REDIC1: variants seen among roughly 807,000 people sequenced by gnomAD.
REDIC1 encodes the protein regulator of DNA class I crossover intermediates 1.
the REDIC1 span, chr12:39,647,687 G>T: frequency 2.4e-6 from 2 of 838,624 alleles, no homozygotes; most frequent in South Asian, 3.1e-5. Flanking sequence ...ATTTTCTTTT[G>T]TAACCCCTGC....
the REDIC1 span, among the ~76,000 whole-genome samples, chr12:39,702,022 TA>T: frequency 1.3e-5 from 2 of 151,868 alleles, no homozygotes; most frequent in African/African-American, 4.8e-5. Context: ...ACATCACAAT[TA>T]AAAGAACTAG....
chr12:39,768,109 G>C, the REDIC1 span, among the ~76,000 whole-genome samples: 25 of 152,102 alleles, frequency 1.6e-4, no homozygotes, highest in African/African-American at 5.8e-4. Context: ...TTGCAACAAG[G>C]TGTGAAGTGA....
the REDIC1 span, among the ~76,000 whole-genome samples, chr12:39,783,509 A>T: frequency 1.2e-4 from 18 of 152,008 alleles, no homozygotes; most frequent in East Asian, 3.9e-4. Flanking sequence ...TGTTCCTATT[A>T]CCCCACATCC....
the REDIC1 span, among the ~76,000 whole-genome samples, chr12:39,826,127 T>G: frequency 1.3e-5 from 2 of 152,144 alleles, no homozygotes; most frequent in African/African-American, 4.8e-5. Context: ...AATTTACTGT[T>G]TGTGCTTGAA....
chr12:39,820,700 G>A, the REDIC1 span, among the ~76,000 whole-genome samples: 1 of 64,548 alleles, frequency 1.5e-5, no homozygotes, highest in African/African-American at 6.4e-5. Context: ...TATAATCTTC[G>A]GCTTAAATTT....
chr12:39,705,347 G>T, the REDIC1 span, among the ~76,000 whole-genome samples: 2 of 152,016 alleles, frequency 1.3e-5, no homozygotes, highest in Non-Finnish European at 2.9e-5. Context: ...TAAAGCCTGG[G>T]ACTTGAAGGC....
At chr12:39,810,544 T>C in the REDIC1 span, among the ~76,000 whole-genome samples, 1 of 152,168 alleles carries the variant, frequency 6.6e-6, no homozygotes, top group African/African-American at 2.4e-5. Context: ...GTAGACATTC[T>C]CACCTAGTTT....
the REDIC1 span, among the ~76,000 whole-genome samples, chr12:39,735,628 G>A: frequency 6.6e-5 from 10 of 152,186 alleles, no homozygotes; most frequent in Non-Finnish European, 1.2e-4. Context: ...GCTTTTGGAC[G>A]AAGGCCAAAT....
the REDIC1 span, among the ~76,000 whole-genome samples, chr12:39,881,304 T>G: frequency 1.3e-5 from 2 of 152,006 alleles, no homozygotes; most frequent in African/African-American, 4.8e-5. Flanking sequence ...AATTCATAGA[T>G]GACAATATGA....
the REDIC1 span, among the ~76,000 whole-genome samples, chr12:39,706,682 G>A: frequency 6.6e-6 from 1 of 151,920 alleles, no homozygotes; most frequent in Admixed American, 6.6e-5. Flanking sequence ...GAACAGAATA[G>A]AGAACCCAGA....
At chr12:39,693,761 G>A in the REDIC1 span, among the ~76,000 whole-genome samples, 15 of 152,002 alleles carry the variant, frequency 9.9e-5, no homozygotes, top group Non-Finnish European at 2.1e-4. Context: ...GAACAATTTT[G>A]TACAATGTTT....
the REDIC1 span, chr12:39,683,467 A>T: frequency 1.9e-6 from 3 of 1,599,162 alleles, no homozygotes; most frequent in East Asian, 6.7e-5. Flanking sequence ...GTATTCAGAA[A>T]TATCCAGCAA....
the REDIC1 span, among the ~76,000 whole-genome samples, chr12:39,806,455 A>C: frequency 6.6e-6 from 1 of 152,104 alleles, no homozygotes; most frequent in African/African-American, 2.4e-5. Context: ...CAGGATATAT[A>C]TTTTCCCTGG....
chr12:39,770,762 A>G, the REDIC1 span, among the ~76,000 whole-genome samples: 2,357 of 152,234 alleles, frequency 0.015, 58 homozygotes, highest in African/African-American at 0.051. Context: ...CCTAAATTGG[A>G]ATGGTTTAAA....
chr12:39,682,817 CTT>C, the REDIC1 span: 1 of 1,612,076 alleles, frequency 6.2e-7, no homozygotes, highest in South Asian at 1.1e-5. Flanking sequence ...AATTGTGACT[CTT>C]TTGTTAGTCA....
At chr12:39,779,662 T>C in the REDIC1 span, among the ~76,000 whole-genome samples, 24 of 152,242 alleles carry the variant, frequency 1.6e-4, no homozygotes, top group Admixed American at 5.2e-4. Flanking sequence ...AGAAGACATA[T>C]ATTTGCTGTT....
chr12:39,813,478 T>G, the REDIC1 span, among the ~76,000 whole-genome samples: 1 of 152,210 alleles, frequency 6.6e-6, no homozygotes, highest in Non-Finnish European at 1.5e-5. Flanking sequence ...TCAGATACCA[T>G]ATTTCATCTG....
the REDIC1 span, chr12:39,736,870 C>G: frequency 6.6e-6 from 1 of 152,150 alleles, no homozygotes; most frequent in African/African-American, 2.4e-5. Context: ...CTTCTCAGCC[C>G]AAGCACTAGA....
the REDIC1 span, among the ~76,000 whole-genome samples, chr12:39,657,375 C>A: frequency 6.6e-6 from 1 of 152,228 alleles, no homozygotes; most frequent in South Asian, 2.1e-4. Context: ...TGTAAGTACA[C>A]CCTATGATGT....
Sources: gnomAD v4.1 joint callset for allele counts (sites outside exome capture counted in the v4.1 genomes callset) on GRCh38, gnomAD v4.1.1 for gene constraint, MANE v1.5 for transcripts, NCBI Gene and HGNC (gene_info 2026-07-23, HGNC 2026-07-21) for gene names.